Variants in FAM107B observed in about 807,000 individuals in gnomAD.
FAM107B encodes the protein family with sequence similarity 107 member B.
Under a neutral mutation model 31.5 loss-of-function variants are expected in FAM107B, and 21 were observed. The observed-to-expected ratio is 0.67, with a 90% CI of 0.47 to 0.96. The LOEUF (loss-of-function observed/expected upper bound fraction) is 0.96, where lower values mean the gene tolerates loss of function less well. FAM107B is among the 40% of genes least tolerant of loss of function. The pLI, the probability that FAM107B is intolerant of heterozygous loss-of-function variation, is 0.00. For missense variants in FAM107B, 452 were observed against 377.1 expected (o/e 1.20, Z -1.64); for synonymous variants, 157 against 141.5 (o/e 1.11, Z -0.78).
chr10:14,635,296 T>C (rs771575171), intron 2 of FAM107B, among the ~76,000 whole-genome samples: 18 of 152,106 alleles, frequency 1.2e-4, no homozygotes, highest in Non-Finnish European at 1.9e-4. Context: ...CCCTAAATTC[T>C]CCACAGGAAC....
intron 2 of FAM107B, among the ~76,000 whole-genome samples, chr10:14,590,907 T>C (rs1163656053): frequency 7.1e-6 from 1 of 141,406 alleles, no homozygotes; most frequent in African/African-American, 2.6e-5. Flanking sequence ...GAGAATCACA[T>C]GAATCCAGGA....
intron 2 of FAM107B, among the ~76,000 whole-genome samples, chr10:14,563,786 G>A (rs114904347): frequency 2.9e-3 from 434 of 152,174 alleles, no homozygotes; most frequent in African/African-American, 9.8e-3. Flanking sequence ...AACCTACCCC[G>A]ACAGACTGAT....
At position 14,586,963 on chromosome 10, in the gene FAM107B, C is replaced by G. The variant is rs1332613742; in HGVS notation, c.470-56448G>C. On this transcript the variant is annotated intron_variant, in intron 2 of 4. Coordinates refer to ENST00000181796, the MANE Select transcript of FAM107B (RefSeq NM_031453.4). ...TCACCCCAATCCTGGGACAAACTCT[C>G]TCTCATTGAGTCCTATGAGAATGGA... 2.0e-5 allele frequency among the ~76,000 whole-genome samples: 3 copies of G among 152,242 alleles called. No homozygotes were observed. In the East Asian group the frequency reaches 5.8e-4, roughly 29 times the overall value.
intron 1 of FAM107B, among the ~76,000 whole-genome samples, chr10:14,708,667 G>A (rs985813020): frequency 7.2e-5 from 11 of 152,006 alleles, no homozygotes; most frequent in African/African-American, 2.4e-4. Flanking sequence ...TTTCTGATCC[G>A]CAAAAGTCAC....
intron 1 of FAM107B, among the ~76,000 whole-genome samples, chr10:14,682,828 C>A (rs1036145206): frequency 6.6e-6 from 1 of 151,728 alleles, no homozygotes; most frequent in Non-Finnish European, 1.5e-5. Context: ...CACTATGGCA[C>A]ATGTATACCT....
chr10:14,687,472 T>C (rs986162182), intron 1 of FAM107B, among the ~76,000 whole-genome samples: 2 of 152,226 alleles, frequency 1.3e-5, no homozygotes, highest in African/African-American at 4.8e-5. Context: ...CAGGCACTTG[T>C]GTGCAAATAA....
chr10:14,572,036 A>G lies in FAM107B; in HGVS notation c.470-41521T>C, dbSNP rs1851269579. ...TTAGAGCGGTGAAGAAAAGCACCCA[A>G]AACAAGAATTAACCATCCCCACAAA... On this transcript the variant is annotated intron_variant, in intron 2 of 4. Coordinates refer to ENST00000181796, the MANE Select transcript of FAM107B (RefSeq NM_031453.4). 3 of 985,444 alleles carry G rather than the reference A, an allele frequency of 3.0e-6. No homozygotes were observed. The Admixed American group carries it at 1.8e-4, about 61-fold the overall frequency. The allele number at this position is 985,444 out of a possible 1,614,324, so 61.0% of individuals were successfully genotyped here.
intron 2 of FAM107B, among the ~76,000 whole-genome samples, chr10:14,660,089 G>A (rs143181112): frequency 6.6e-6 from 1 of 152,140 alleles, no homozygotes; most frequent in Non-Finnish European, 1.5e-5. Context: ...TTAGCAAAAA[G>A]AGGGTGTTCT....
At chr10:14,675,180 G>A (rs1311129053) in intron 1 of FAM107B, among the ~76,000 whole-genome samples, 1 of 152,068 alleles carries the variant, frequency 6.6e-6, no homozygotes, top group Non-Finnish European at 1.5e-5. Flanking sequence ...GGGGAAACAG[G>A]ATTAGGGCCC....
At chr10:14,599,747 A>G (rs1852309450) in intron 2 of FAM107B, among the ~76,000 whole-genome samples, 1 of 149,980 alleles carries the variant, frequency 6.7e-6, no homozygotes, top group South Asian at 2.1e-4. Context: ...TTCTATTTCC[A>G]TAGAACATAC....
At chr10:14,588,196 C>T (rs1424132238) in intron 2 of FAM107B, among the ~76,000 whole-genome samples, 2 of 152,056 alleles carry the variant, frequency 1.3e-5, no homozygotes, top group Non-Finnish European at 2.9e-5. Context: ...AGGCAACATG[C>T]TCCAGGCTGT....
chr10:14,598,189 G>A (rs1311023901), intron 2 of FAM107B, among the ~76,000 whole-genome samples: 3 of 152,102 alleles, frequency 2.0e-5, no homozygotes, highest in Non-Finnish European at 4.4e-5. Context: ...ATGCAATCTG[G>A]TTTAGTTTTG....
At chr10:14,675,073 T>C (rs145889018) in intron 1 of FAM107B, among the ~76,000 whole-genome samples, 12 of 152,254 alleles carry the variant, frequency 7.9e-5, no homozygotes, top group Admixed American at 7.8e-4. Context: ...TCTCTGAAAA[T>C]ACTTGCATGC....
intron 2 of FAM107B, among the ~76,000 whole-genome samples, chr10:14,656,710 C>T (rs1427540944): frequency 6.6e-6 from 1 of 152,070 alleles, no homozygotes; most frequent in Non-Finnish European, 1.5e-5. Flanking sequence ...TTACAAAGGG[C>T]CAACATTAAA....
intron 2 of FAM107B, chr10:14,548,728 G>T: frequency 1.1e-6 from 1 of 917,192 alleles, no homozygotes; most frequent in Non-Finnish European, 1.3e-6. Context: ...GCCGCAAAAC[G>T]TGCCAGAAAA....
At position 14,518,660 on chromosome 10, in the gene FAM107B, A is replaced by G. The variant is rs1845347146; in HGVS notation, c.*2530T>C. The G allele has an allele frequency of 6.5e-6, 1 of 152,772 alleles. No homozygotes were observed. Among genetic ancestry groups the G allele is most frequent in the Non-Finnish European group, 1.5e-5 (1 of 68,038 alleles). 9.5% of individuals were successfully genotyped at this position (152,772 alleles called of 1,614,324 possible). ...TTTCCGTTAAAAACAATTATACAAGAGCAAATACAAAAAATATTAAATTAT... is the reference window on the plus strand; with the variant it reads ...TTTCCGTTAAAAACAATTATACAAGGGCAAATACAAAAAATATTAAATTAT... On this transcript the variant is annotated 3_prime_UTR_variant, in exon 5 of 5. Coordinates refer to ENST00000181796, the MANE Select transcript of FAM107B (RefSeq NM_031453.4).
chr10:14,762,100 T>C (rs189332057), intron 1 of FAM107B, among the ~76,000 whole-genome samples: 308 of 152,312 alleles, frequency 2.0e-3, no homozygotes, highest in African/African-American at 6.7e-3. Context: ...CATGGCATCA[T>C]GGAAGACCCA....
chr10:14,568,360 T>G (rs1850860776), intron 2 of FAM107B, among the ~76,000 whole-genome samples: 1 of 151,750 alleles, frequency 6.6e-6, no homozygotes, highest in Admixed American at 6.6e-5. Context: ...TGGCTGATGA[T>G]CCCAGGGTTA....
At chr10:14,639,024 C>T (rs888430088) in intron 2 of FAM107B, among the ~76,000 whole-genome samples, 3 of 151,876 alleles carry the variant, frequency 2.0e-5, no homozygotes, top group African/African-American at 7.3e-5. Context: ...GACCCCATCT[C>T]TATAAAAAAT....
Sources: allele counts gnomAD v4.1 joint callset (sites outside exome capture counted in the v4.1 genomes callset), GRCh38; gene constraint gnomAD v4.1.1; transcripts MANE v1.5; gene names NCBI Gene and HGNC (gene_info 2026-07-23, HGNC 2026-07-21).